EML6: variants seen among roughly 807,000 people sequenced by gnomAD.
EML6 encodes the protein echinoderm microtubule-associated protein-like 6.
EML6 carries 154 observed loss-of-function variants against 240.1 expected under a neutral mutation model. The ratio of observed to expected loss-of-function variants is 0.64; its 90% CI spans 0.56 to 0.73. The LOEUF (loss-of-function observed/expected upper bound fraction) is 0.73. EML6 is among the 30% of genes least tolerant of loss of function. The pLI, the probability that EML6 is intolerant of heterozygous loss-of-function variation, is 0.00. For synonymous variants in EML6, 1,148 were observed against 899.0 expected (o/e 1.28, Z -4.95); for missense variants, 2,964 against 2,474.6 (o/e 1.20, Z -4.20).
chr2:54,835,316 C>G (rs1453718927), intron 7 of EML6, among the ~76,000 whole-genome samples: 1 of 152,186 alleles, frequency 6.6e-6, no homozygotes. Flanking sequence ...GCCTCCCACC[C>G]ACTTAGGACG....
At chr2:54,827,516 T>C (rs1486556572) in intron 5 of EML6, 50 bp from the exon 6 acceptor site, 2 of 1,429,718 alleles carry the variant, frequency 1.4e-6, no homozygotes, top group African/African-American at 2.8e-5. Flanking sequence ...ACCAATGCAA[T>C]ACATCCGAAT....
chr2:54,869,842 T>C (rs762366599), intron 15 of EML6, among the ~76,000 whole-genome samples: 2 of 152,214 alleles, frequency 1.3e-5, no homozygotes, highest in Non-Finnish European at 2.9e-5. Context: ...AACTTTTTTT[T>C]GAAATGCCTT....
intron 2 of EML6, among the ~76,000 whole-genome samples, chr2:54,797,302 G>A (rs563097908): frequency 5.7e-4 from 87 of 152,108 alleles, no homozygotes; most frequent in South Asian, 5.2e-3. Context: ...AGTAGCAAGG[G>A]GCCAGTATAG....
At chr2:54,754,738 A>G (rs1195178449) in intron 2 of EML6, among the ~76,000 whole-genome samples, 1 of 152,130 alleles carries the variant, frequency 6.6e-6, no homozygotes, top group African/African-American at 2.4e-5. Flanking sequence ...GGGTCCTGTT[A>G]ATGAAATATT....
chr2:54,755,904 G>A (rs887511383), intron 2 of EML6, among the ~76,000 whole-genome samples: 3 of 151,844 alleles, frequency 2.0e-5, no homozygotes, highest in East Asian at 1.9e-4. Context: ...CCTCTTAACC[G>A]CTGTTTTCTG....
intron 24 of EML6, among the ~76,000 whole-genome samples, chr2:54,904,193 T>C (rs533835271): frequency 1.3e-5 from 2 of 152,210 alleles, no homozygotes; most frequent in Admixed American, 6.5e-5. Context: ...ACAAAATGGG[T>C]ACCGTGTGAG....
intron 2 of EML6, among the ~76,000 whole-genome samples, chr2:54,776,745 C>A (rs764642696): frequency 6.6e-6 from 1 of 152,000 alleles, no homozygotes; most frequent in Non-Finnish European, 1.5e-5. Flanking sequence ...CCCACCCCCA[C>A]GTCCTGTTTC....
At chr2:54,866,500 A>T (rs543278632) in intron 13 of EML6, among the ~76,000 whole-genome samples, 2 of 152,244 alleles carry the variant, frequency 1.3e-5, no homozygotes, top group Non-Finnish European at 2.9e-5. Context: ...ACTGATACTT[A>T]ATTTCCTTTA....
intron 18 of EML6, among the ~76,000 whole-genome samples, 161 bp downstream of exon 18, chr2:54,891,315 C>T (rs936924898): frequency 1.3e-5 from 2 of 152,224 alleles, no homozygotes; most frequent in African/African-American, 2.4e-5. Context: ...ACGCTTGAAG[C>T]TTAGAACACT....
intron 14 of EML6, chr2:54,867,892 C>A (rs910311855): frequency 1.3e-5 from 2 of 151,992 alleles, no homozygotes; most frequent in African/African-American, 4.8e-5. Context: ...CTTGAGAGTC[C>A]TTTGTCACCA....
chr2:54,850,640 G>A (rs1441605709), intron 10 of EML6, among the ~76,000 whole-genome samples: 1 of 152,098 alleles, frequency 6.6e-6, no homozygotes, highest in African/African-American at 2.4e-5. Flanking sequence ...AGGAATCAGG[G>A]AAATGATCAT....
intron 2 of EML6, among the ~76,000 whole-genome samples, chr2:54,741,419 A>AAT (rs892987334): frequency 5.9e-5 from 9 of 152,014 alleles, no homozygotes; most frequent in Non-Finnish European, 8.8e-5. Flanking sequence ...TTGCCATAGA[A>AAT]ATATATATAT....
At chr2:54,794,170 G>A (rs916379197) in intron 2 of EML6, among the ~76,000 whole-genome samples, 3 of 152,274 alleles carry the variant, frequency 2.0e-5, no homozygotes, top group African/African-American at 4.8e-5. Flanking sequence ...GATAGATTAG[G>A]CAGCTGGCCC....
chr2:54,812,221 A>C (rs1037077702), intron 2 of EML6, among the ~76,000 whole-genome samples: 13 of 152,140 alleles, frequency 8.5e-5, no homozygotes, highest in African/African-American at 3.1e-4. Flanking sequence ...CAAAAGATGA[A>C]GTAATTTGTC....
Position 54,928,314 on chromosome 2 carries a change from G to C in EML6, c.3677G>C (p.Gly1226Ala). ...AATAACCAATTTCGGGCTTTACAGG[G>C]ACAGCACGCAAGATTCAAGAAGTAT... ...FVKLFSYPVK[G>A]QHARFKKYVG... Residue 1226 changes from glycine (G) to alanine (A), a missense_variant and splice_region_variant, in exon 27 of 42, where the codon GGA becomes GCA. By Grantham distance (60) the Gly-to-Ala change is moderately conservative. Coordinates refer to ENST00000356458, the MANE Select transcript of EML6 (RefSeq NM_001039753.4). 1 of 1,551,722 alleles carries C rather than the reference G, an allele frequency of 6.4e-7. No individual in the cohort carries two copies. The highest frequency in any genetic ancestry group is 8.7e-7 in the Non-Finnish European group (1 of 1,146,912).
At chr2:54,758,712 T>A (rs1572864070) in intron 2 of EML6, among the ~76,000 whole-genome samples, 1 of 152,204 alleles carries the variant, frequency 6.6e-6, no homozygotes, top group African/African-American at 2.4e-5. Context: ...CCTACCAAAG[T>A]ACCTGGCCCA....
rs146790155 is a variant in EML6 at position 54,784,234 on chromosome 2, C to G, written c.198-28998C>G. On this transcript the variant is annotated intron_variant, in intron 2 of 41. Transcript: ENST00000356458. ...GTGTTGGGATTATAGGCATGAGCCA[C>G]TGCACCTGGCCTGAACTGTTCTTTA... 7.9e-5 allele frequency among the ~76,000 whole-genome samples: 12 copies of G among 152,292 alleles called. No individual in the cohort carries two copies. The East Asian group carries it at 2.1e-3, about 27-fold the overall frequency.
intron 7 of EML6, among the ~76,000 whole-genome samples, chr2:54,830,058 G>T (rs1668790852): frequency 6.6e-6 from 1 of 152,164 alleles, no homozygotes; most frequent in South Asian, 2.1e-4. Flanking sequence ...CTTAGAAAAT[G>T]CTCAGGATGA....
chr2:54,740,652 C>T (rs906904969), intron 2 of EML6, among the ~76,000 whole-genome samples: 1 of 151,616 alleles, frequency 6.6e-6, no homozygotes, highest in African/African-American at 2.4e-5. Context: ...TTTTATGCTG[C>T]AGTGGTAGTA....
Sources: allele counts gnomAD v4.1 joint callset (sites outside exome capture counted in the v4.1 genomes callset), GRCh38; gene constraint gnomAD v4.1.1; transcripts MANE v1.5; gene names NCBI Gene and HGNC (gene_info 2026-07-23, HGNC 2026-07-21).